Variants in MPC2 observed in about 807,000 individuals in gnomAD.
MPC2 encodes mitochondrial pyruvate carrier 2, also known as brain protein 44.
MPC2 carries 19 observed loss-of-function variants against 19.2 expected under a neutral mutation model. The observed-to-expected ratio is 0.99, with a 90% CI of 0.69 to 1.45. The LOEUF (loss-of-function observed/expected upper bound fraction) is 1.45. Ranked by LOEUF, MPC2 falls within the 40% of genes most tolerant of loss-of-function variation. The pLI, the probability that MPC2 is intolerant of heterozygous loss-of-function variation, is 0.00. For synonymous variants in MPC2, 61 were observed against 54.3 expected, an observed-to-expected ratio of 1.12 and a Z score of -0.54; for missense variants, 122 against 153.0, an observed-to-expected ratio of 0.80 and a Z score of 1.07.
chr1:167,936,962 G>A lies in MPC2; in HGVS notation c.-81C>T. ...ACCTGTTGTGGGACGTGAGGAAAAG[G>A]TCCCTCGGGCTGGAGGACCCGTCCC... On this transcript the variant is annotated 5_prime_UTR_variant, in exon 1 of 6. Coordinates refer to ENST00000271373, the MANE Select transcript of MPC2 (RefSeq NM_001143674.4). 6.2e-7 allele frequency: 1 copy of A among 1,611,266 alleles called. No individual in the cohort carries two copies. The highest frequency in any genetic ancestry group is 1.7e-5 in the Admixed American group (1 of 59,828).
In MPC2 at chr1:167,936,968, C is replaced by T. The variant is rs200625438; in HGVS notation, c.-87G>A. 1.9e-6 allele frequency: 3 copies of T among 1,611,218 alleles called. No individual in the cohort carries two copies. The highest frequency in any genetic ancestry group is 2.5e-6 in the Non-Finnish European group (3 of 1,179,234). On this transcript the variant is annotated 5_prime_UTR_variant, in exon 1 of 6. Coordinates refer to ENST00000271373, the MANE Select transcript of MPC2 (RefSeq NM_001143674.4). The stretch of plus-strand genomic sequence containing the variant: ...TGTGGGACGTGAGGAAAAGGTCCCT[C>T]GGGCTGGAGGACCCGTCCCGGCTGC...
At chr1:167,923,150 A>G (rs2102534240) in intron 3 of MPC2, among the ~76,000 whole-genome samples, 1 of 152,326 alleles carries the variant, frequency 6.6e-6, no homozygotes, top group Middle Eastern at 3.4e-3. Context: ...AAAACAAAAA[A>G]TATTAAGCAG....
In MPC2 at chr1:167,935,734, T is replaced by G; in HGVS notation, c.108A>C (p.Ala36=). 1 of 1,559,280 alleles carries G rather than the reference T, an allele frequency of 6.4e-7. No homozygotes were observed. Among genetic ancestry groups the G allele is most frequent in the Non-Finnish European group, 8.7e-7 (1 of 1,150,878 alleles). Residue 36 remains alanine (A), a splice_region_variant and synonymous_variant, in exon 2 of 6, where the codon GCA becomes GCC. Transcript: ENST00000271373. ...EKLRPLYNHP[A]GPRTVFFWAP... is the part of the protein sequence containing the mutation. ...AAGGAGCCATTCAGGGTCCATTACCTGCTGGATGGTTGTACAACGGCCTCA... is the reference window on the plus strand; with the variant it reads ...AAGGAGCCATTCAGGGTCCATTACCGGCTGGATGGTTGTACAACGGCCTCA...
Position 167,917,706 on chromosome 1 carries a change from G to A in MPC2, c.*617C>T, listed in dbSNP as rs1328911157. ...TTCTGCTACATTATCAGTTACTGAG[G>A]GTAATTGAAAAATTTAACACTTATC... is the stretch of plus-strand genomic sequence containing the variant. On this transcript the variant is annotated 3_prime_UTR_variant, in exon 6 of 6. Transcript: ENST00000271373. 6.6e-6 allele frequency: 1 copy of A among 151,960 alleles called. No homozygotes were observed. Among genetic ancestry groups the A allele is most frequent in the Non-Finnish European group, 1.5e-5 (1 of 68,026 alleles). The allele number at this position is 151,960 out of a possible 1,614,324, so 9.4% of individuals were successfully genotyped here. A position where few individuals can be genotyped will look rare whatever the true frequency, so the allele number is the denominator to read the frequency against.
At chr1:167,918,437 C>A in intron 5 of MPC2, 78 bp from the exon 6 acceptor site, 1 of 913,218 alleles carries the variant, frequency 1.1e-6, no homozygotes, top group South Asian at 1.6e-5. Context: ...GGGAAGCATA[C>A]TCCATTTCTT....
intron 2 of MPC2, among the ~76,000 whole-genome samples, chr1:167,926,702 A>G (rs1381042912): frequency 6.6e-6 from 1 of 152,202 alleles, no homozygotes; most frequent in East Asian, 1.9e-4. Context: ...TGCGCAGGAC[A>G]GCCGCTCCCA....
chr1:167,920,525 A>C, intron 4 of MPC2, 22 bp downstream of exon 4: 1 of 1,608,358 alleles, frequency 6.2e-7, no homozygotes, highest in Non-Finnish European at 8.5e-7. Context: ...CAAGAAACAC[A>C]GAAGATATTT....
At chr1:167,931,849 GTTTATT>G (rs1390865878) in intron 2 of MPC2, among the ~76,000 whole-genome samples, 4 of 152,034 alleles carry the variant, frequency 2.6e-5, no homozygotes, top group African/African-American at 9.6e-5. Flanking sequence ...GGTTCATTTA[GTTTATT>G]TTTATTTAAA....
intron 2 of MPC2, among the ~76,000 whole-genome samples, chr1:167,925,478 T>TATATATATATATATATAC (rs1298972592): frequency 8.2e-6 from 1 of 122,626 alleles, no homozygotes; most frequent in Non-Finnish European, 1.6e-5. Flanking sequence ...TATATATACA[T>TATATATATATATATATAC]ATACATATAC....
At chr1:167,924,583 T>C in intron 2 of MPC2, 46 bp from the exon 3 acceptor site, 1 of 1,376,098 alleles carries the variant, frequency 7.3e-7, no homozygotes, top group East Asian at 2.5e-5. Context: ...ACCAAATATA[T>C]TATACACGTC....
At chr1:167,922,995 A>C (rs1184967535) in intron 3 of MPC2, among the ~76,000 whole-genome samples, 1 of 152,190 alleles carries the variant, frequency 6.6e-6, no homozygotes, top group African/African-American at 2.4e-5. Context: ...AAAAACAAAG[A>C]TATCTAACAC....
At chr1:167,928,051 G>GT (rs976366414) in intron 2 of MPC2, among the ~76,000 whole-genome samples, 47 of 151,900 alleles carry the variant, frequency 3.1e-4, no homozygotes, top group African/African-American at 9.4e-4. Flanking sequence ...TTTCTTAACT[G>GT]TTAAAAAAAA....
At chr1:167,926,225 T>C (rs902848561) in intron 2 of MPC2, among the ~76,000 whole-genome samples, 8 of 152,232 alleles carry the variant, frequency 5.3e-5, no homozygotes, top group Non-Finnish European at 8.8e-5. Context: ...AAAACAGTGC[T>C]GAAACAGCTG....
At chr1:167,936,519 G>C (rs73024126) in intron 1 of MPC2, 1 of 225,500 alleles carries the variant, frequency 4.4e-6, no homozygotes, top group African/African-American at 2.4e-5. Context: ...GGTGAGGGCA[G>C]CCGCAGCACA....
chr1:167,919,900 C>A, intron 5 of MPC2, 79 bp downstream of exon 5: 4 of 913,488 alleles, frequency 4.4e-6, no homozygotes, highest in East Asian at 2.5e-5. Context: ...AGAGCGAGAC[C>A]CCGTCTCAAA....
At chr1:167,929,430 T>C (rs1337477166) in intron 2 of MPC2, among the ~76,000 whole-genome samples, 1 of 152,224 alleles carries the variant, frequency 6.6e-6, no homozygotes, top group Admixed American at 6.5e-5. Flanking sequence ...ATACTGACTA[T>C]AAGTTATTTT....
intron 2 of MPC2, among the ~76,000 whole-genome samples, chr1:167,934,067 C>G (rs1439846964): frequency 6.6e-6 from 1 of 152,188 alleles, no homozygotes; most frequent in Non-Finnish European, 1.5e-5. Flanking sequence ...GCTCCTTTTA[C>G]TACACTGAAA....
intron 2 of MPC2, among the ~76,000 whole-genome samples, chr1:167,929,044 A>G (rs1197542837): frequency 6.6e-6 from 1 of 152,214 alleles, no homozygotes; most frequent in Admixed American, 6.5e-5. Context: ...ATTTAGAAAC[A>G]TTAAACAAGT....
intron 2 of MPC2, among the ~76,000 whole-genome samples, chr1:167,933,647 C>T (rs539509938): frequency 7.2e-5 from 11 of 152,260 alleles, no homozygotes; most frequent in African/African-American, 2.4e-4. Context: ...ATAACAAATA[C>T]TGTTAGGCAA....
Sources: gnomAD v4.1 joint callset for allele counts (sites outside exome capture counted in the v4.1 genomes callset) on GRCh38, gnomAD v4.1.1 for gene constraint, MANE v1.5 for transcripts, NCBI Gene and HGNC (gene_info 2026-07-23, HGNC 2026-07-21) for gene names.